The following GTF3C5 variants were observed in gnomAD, a reference collection of about 807,000 sequenced individuals.
GTF3C5 encodes general transcription factor IIIC subunit 5.
In GTF3C5, 47 loss-of-function variants were observed where a neutral mutation model predicts 61.0. That is an observed-to-expected ratio of 0.77 (90% CI 0.61 to 0.98). The LOEUF (loss-of-function observed/expected upper bound fraction) is 0.98. Among genes scored for constraint, GTF3C5 ranks in the 50% least tolerant of loss-of-function variants. GTF3C5 has a pLI of 0.00. For synonymous variants in GTF3C5, 295 were observed against 275.4 expected (o/e 1.07, Z -0.71); for missense variants, 659 against 703.3 (o/e 0.94, Z 0.71).
intron 3 of GTF3C5, among the ~76,000 whole-genome samples, chr9:133,048,068 G>T (rs542215047): frequency 6.6e-6 from 1 of 152,322 alleles, no homozygotes; most frequent in African/African-American, 2.4e-5. Context: ...GGTCAAAGCT[G>T]CAGTGAGCTG....
chr9:133,039,169 A>G (rs1016885739), intron 1 of GTF3C5, among the ~76,000 whole-genome samples: 2 of 152,210 alleles, frequency 1.3e-5, no homozygotes, highest in Non-Finnish European at 2.9e-5. Context: ...GTCTCTTTAG[A>G]GAAGTTTTCC....
At chr9:133,034,523 G>GGT (rs1050331949) in intron 1 of GTF3C5, among the ~76,000 whole-genome samples, 33 of 152,264 alleles carry the variant, frequency 2.2e-4, no homozygotes, top group African/African-American at 6.5e-4. Flanking sequence ...GGGTTAGTTT[G>GGT]GTAGGGGTGG....
In GTF3C5 at chr9:133,057,873, G is replaced by A. The variant is rs1196649026; in HGVS notation, c.1453G>A (p.Gly485Arg). 2 of 1,613,786 alleles carry A rather than the reference G, an allele frequency of 1.2e-6. No individual in the cohort carries two copies. Among genetic ancestry groups the A allele is most frequent in the Non-Finnish European group, 1.7e-6 (2 of 1,179,966 alleles). ...GGKEQLTYES[G>R]EDEEDEEEEE... The stretch of plus-strand genomic sequence containing the variant: ...AAAAGAGCAGCTGACGTACGAGTCT[G>A]GGGAAGACGAGGAGGATGAGGAGGA... Residue 485 changes from glycine (G) to arginine (R), a missense_variant, in exon 11 of 11, where the codon GGG becomes AGG. Coordinates refer to ENST00000372097, the MANE Select transcript of GTF3C5 (RefSeq NM_012087.4).
chr9:133,056,487 A>AC (rs2119039746), intron 9 of GTF3C5, among the ~76,000 whole-genome samples: 1 of 152,326 alleles, frequency 6.6e-6, no homozygotes, highest in East Asian at 1.9e-4. Context: ...GGAACACATC[A>AC]AATACATCTT....
chr9:133,042,366 T>A, intron 2 of GTF3C5, 60 bp downstream of exon 2: 2 of 1,125,666 alleles, frequency 1.8e-6, no homozygotes, highest in South Asian at 2.6e-5. Flanking sequence ...CCTAGCTGCC[T>A]GCAGGAGCTG....
At chr9:133,053,989 C>A in intron 6 of GTF3C5, 47 bp downstream of exon 6, 1 of 1,140,462 alleles carries the variant, frequency 8.8e-7, no homozygotes, top group Non-Finnish European at 1.3e-6. Context: ...CTCTCTTTAT[C>A]TTTCAGTTTC....
In GTF3C5 at chr9:133,057,128, C is replaced by T. The variant is rs188034626; in HGVS notation, c.1393+220C>T. ...GCCTCAGCCGAGGCCCTCAGCCCTG[C>T]GGTCCGGGGCAGGAGACAAGCCCAG... On this transcript the variant is annotated intron_variant, in intron 10 of 10. Transcript: ENST00000372097. Among the ~76,000 whole-genome samples, 5 of 152,352 alleles carry T rather than the reference C, an allele frequency of 3.3e-5. No homozygotes were observed. The East Asian group carries it at 7.7e-4, about 24-fold the overall frequency.
Position 133,057,878 on chromosome 9 carries a change from AG to A in GTF3C5, c.1459del (p.Asp487ThrfsTer51). 1.2e-6 allele frequency: 2 copies of A among 1,613,674 alleles called. No homozygotes were observed. Among genetic ancestry groups the A allele is most frequent in the Non-Finnish European group, 8.5e-7 (1 of 1,179,898 alleles). ...AGCAGCTGACGTACGAGTCTGGGGA[AG>A]ACGAGGAGGATGAGGAGGAGGAGGA... ...KEQLTYESGE[D>X]EEDEEEEEEE... On this transcript the variant is annotated frameshift_variant, in exon 11 of 11. Coordinates refer to ENST00000372097, the MANE Select transcript of GTF3C5 (RefSeq NM_012087.4). LOFTEE classifies it high-confidence loss of function.
At chr9:133,054,076 T>C (rs1829844326) in intron 6 of GTF3C5, 134 bp downstream of exon 6, 1 of 675,702 alleles carries the variant, frequency 1.5e-6, no homozygotes, top group Non-Finnish European at 2.5e-6. Context: ...GCTGAGACTC[T>C]TTTGAATGCA....
chr9:133,040,030 T>G (rs776473078), intron 1 of GTF3C5, among the ~76,000 whole-genome samples: 8 of 152,196 alleles, frequency 5.3e-5, no homozygotes, highest in Admixed American at 3.9e-4. Context: ...TTTTCTTCTT[T>G]TATATTATTC....
intron 1 of GTF3C5, among the ~76,000 whole-genome samples, chr9:133,035,966 T>C (rs2118974458): frequency 6.6e-6 from 1 of 152,332 alleles, no homozygotes. Flanking sequence ...TAGTTCCTTC[T>C]TGGTTTTGCA....
rs34524914 is a variant in GTF3C5, at chr9:133,044,146, CAAAAAAA to C, written c.572+237_572+243del. The C allele has an allele frequency of 1.0e-3, 112 of 108,480 alleles. 1 individual carries two copies. Among genetic ancestry groups the C allele is most frequent in the South Asian group, 3.3e-3 (22 of 6,672 alleles). 6.7% of individuals were successfully genotyped at this position (108,480 alleles called of 1,614,324 possible). A position where few individuals can be genotyped will look rare whatever the true frequency, so the allele number is the denominator to read the frequency against. On this transcript the variant is annotated intron_variant, in intron 3 of 10. Transcript: ENST00000372097. ...GGTGACAGAGTGAGACTTTGTCTCCCAAAAAAAAAAAAAAAAAAAAAAAGAAAATGGG... is the reference window on the plus strand; with the variant it reads ...GGTGACAGAGTGAGACTTTGTCTCCCAAAAAAAAAAAAAAAAGAAAATGGG...
At chr9:133,038,303 C>G (rs1165983721) in intron 1 of GTF3C5, among the ~76,000 whole-genome samples, 3 of 152,014 alleles carry the variant, frequency 2.0e-5, no homozygotes, top group Non-Finnish European at 2.9e-5. Context: ...GGAGAGTCTA[C>G]CCGGGCGTGT....
rs748726622 is a variant in GTF3C5, at chr9:133,042,182, C to T, written c.249C>T (p.Ser83=). The change falls in exon 2 of 11, where the codon AGC becomes AGT. Residue 83 remains serine, a synonymous_variant. Transcript: ENST00000372097. ...GCGCCAACCGCTTCAGTACCAGCAGCCTGCTGCTCCGCATCAGGAAGAGAA... is the reference window on the plus strand; with the variant it reads ...GCGCCAACCGCTTCAGTACCAGCAGTCTGCTGCTCCGCATCAGGAAGAGAA... ...PVCANRFSTS[S]LLLRIRKRTR... is the part of the protein sequence containing the mutation. The T allele has an allele frequency of 2.5e-6, 4 of 1,614,090 alleles. No homozygotes were observed. The East Asian group carries it at 6.7e-5, about 27-fold the overall frequency.
chr9:133,057,781 G>A (rs761533328), intron 10 of GTF3C5, 33 bp from the exon 11 acceptor site: 2 of 1,545,612 alleles, frequency 1.3e-6, no homozygotes, highest in Non-Finnish European at 1.7e-6. Context: ...AGCCTGCATG[G>A]GACACCCATG....
At chr9:133,047,030 G>A (rs979509702) in intron 3 of GTF3C5, among the ~76,000 whole-genome samples, 1 of 152,088 alleles carries the variant, frequency 6.6e-6, no homozygotes, top group South Asian at 2.1e-4. Context: ...TAGCCCCCAC[G>A]TGCCCATCAG....
rs768616381 is a variant in GTF3C5 at position 133,052,039 on chromosome 9, C to CTCTG, written c.769-20_769-17dup. On this transcript the variant is annotated intron_variant, in intron 4 of 10. Transcript: ENST00000372097. Reference sequence around the variant, plus strand: ...GGAAGCTGCTGGTGCTCATCTCAGCCTCTGCCCTTGGCCTCCCCAGCTGTT... The same window carrying CTCTG: ...GGAAGCTGCTGGTGCTCATCTCAGCCTCTGTCTGCCCTTGGCCTCCCCAGCTGTT... 2.2e-5 allele frequency: 31 copies of CTCTG among 1,408,404 alleles called. No homozygotes were observed. The East Asian group carries it at 4.7e-4, about 21-fold the overall frequency. 87.2% of individuals were successfully genotyped at this position (1,408,404 alleles called of 1,614,324 possible). A position where few individuals can be genotyped will look rare whatever the true frequency, so the allele number is the denominator to read the frequency against.
intron 1 of GTF3C5, among the ~76,000 whole-genome samples, chr9:133,040,450 T>C (rs1362155490): frequency 2.0e-5 from 3 of 152,206 alleles, no homozygotes; most frequent in African/African-American, 4.8e-5. Flanking sequence ...GTGGCACATA[T>C]TGAATGTCTA....
At chr9:133,037,712 T>C (rs111282330) in intron 1 of GTF3C5, among the ~76,000 whole-genome samples, 2,174 of 152,248 alleles carry the variant, frequency 0.014, 59 homozygotes, top group African/African-American at 0.047. Context: ...TTAGCAGAAA[T>C]TTAACGTGGG....
Sources: gnomAD v4.1 joint callset for allele counts (sites outside exome capture counted in the v4.1 genomes callset) on GRCh38, gnomAD v4.1.1 for gene constraint, MANE v1.5 for transcripts, NCBI Gene and HGNC (gene_info 2026-07-23, HGNC 2026-07-21) for gene names.